Variants in ANKS1B observed in about 807,000 individuals in gnomAD.
The protein encoded by ANKS1B is ankyrin repeat and sterile alpha motif domain-containing protein 1B.
In ANKS1B, 36 loss-of-function variants were observed where a neutral mutation model predicts 148.3. The observed-to-expected ratio is 0.24, with a 90% CI of 0.19 to 0.32. The LOEUF is 0.32. Ranked by LOEUF, ANKS1B falls within the 10% of genes least tolerant of loss-of-function variation. The pLI, the probability that ANKS1B is intolerant of heterozygous loss-of-function variation, is 1.00. For missense variants in ANKS1B, 1,157 were observed against 1,542.6 expected (o/e 0.75, Z 4.19); for synonymous variants, 542 against 560.8 (o/e 0.97, Z 0.47).
At position 99,783,160 on chromosome 12, in the gene ANKS1B, C is replaced by T. The variant is rs373670020; in HGVS notation, c.670-1063G>A. Among the ~76,000 whole-genome samples the T allele has an allele frequency of 2.8e-3, 414 of 146,992 alleles. 1 individual carries two copies. The highest frequency in any genetic ancestry group is 9.7e-3 in the African/African-American group (384 of 39,572). On this transcript the variant is annotated intron_variant, in intron 4 of 26. Coordinates refer to ENST00000683438, the MANE Select transcript of ANKS1B (RefSeq NM_001352186.2). ...GAGCCGAGATCGCACCACTGCACTC[C>T]AGCCTGGGTGACAGAGTGAGAATCC...
chr12:99,215,485 C>T (rs193123423), intron 14 of ANKS1B, among the ~76,000 whole-genome samples: 13 of 152,336 alleles, frequency 8.5e-5, no homozygotes, highest in Non-Finnish European at 8.8e-5. Context: ...AGACATTCAA[C>T]ACCAGCCTGT....
At chr12:98,864,197 G>A (rs964735536) in intron 17 of ANKS1B, among the ~76,000 whole-genome samples, 2 of 151,392 alleles carry the variant, frequency 1.3e-5, no homozygotes, top group African/African-American at 4.9e-5. Flanking sequence ...CATACTTATG[G>A]TACGTGTGAT....
At chr12:99,535,559 T>C (rs2097057045) in intron 9 of ANKS1B, among the ~76,000 whole-genome samples, 1 of 152,218 alleles carries the variant, frequency 6.6e-6, no homozygotes, top group Non-Finnish European at 1.5e-5. Flanking sequence ...AGCATAGCGC[T>C]GTATATCCCA....
At chr12:98,950,198 A>G (rs994224213) in intron 17 of ANKS1B, among the ~76,000 whole-genome samples, 1 of 152,236 alleles carries the variant, frequency 6.6e-6, no homozygotes, top group African/African-American at 2.4e-5. Context: ...TATTACAATC[A>G]TAAGAAACAG....
chr12:98,773,244 C>T, intron 24 of ANKS1B, 65 bp from the exon 25 acceptor site: 1 of 1,516,844 alleles, frequency 6.6e-7, no homozygotes, highest in Non-Finnish European at 8.8e-7. Context: ...ACAACCAAGA[C>T]AAGTAACCCA....
intron 9 of ANKS1B, among the ~76,000 whole-genome samples, chr12:99,654,275 G>A (rs976042652): frequency 6.6e-6 from 1 of 152,172 alleles, no homozygotes; most frequent in African/African-American, 2.4e-5. Flanking sequence ...TGACAGAAGG[G>A]AAAATATCTT....
In ANKS1B at chr12:99,783,271, A is replaced by T. The variant is rs567919835; in HGVS notation, c.670-1174T>A. On this transcript the variant is annotated intron_variant, in intron 4 of 26. Transcript: ENST00000683438. Reference sequence around the variant, plus strand: ...CCTACCACCAAACATCATAGCCTAGACTAGCCTACTTTAAATATGCTCAGA... The same window carrying T: ...CCTACCACCAAACATCATAGCCTAGTCTAGCCTACTTTAAATATGCTCAGA... Among the ~76,000 whole-genome samples the T allele has an allele frequency of 2.0e-5, 3 of 152,274 alleles. No individual in the cohort carries two copies. The South Asian group carries it at 6.2e-4, about 32-fold the overall frequency.
chr12:98,838,157 T>C (rs1401265899), intron 17 of ANKS1B, among the ~76,000 whole-genome samples: 1 of 152,228 alleles, frequency 6.6e-6, no homozygotes, highest in African/African-American at 2.4e-5. Flanking sequence ...ATGTCATAAT[T>C]CACTAAACAT....
chr12:99,866,334 C>A (rs2090754325), intron 1 of ANKS1B, among the ~76,000 whole-genome samples: 1 of 152,142 alleles, frequency 6.6e-6, no homozygotes, highest in South Asian at 2.1e-4. Context: ...GGCTCTATTA[C>A]AGAAGTATCC....
intron 10 of ANKS1B, among the ~76,000 whole-genome samples, chr12:99,495,363 G>A (rs541943904): frequency 6.6e-6 from 1 of 152,016 alleles, no homozygotes; most frequent in South Asian, 2.1e-4. Context: ...GTGTGTGTGT[G>A]TGTGTGTGTG....
intron 9 of ANKS1B, among the ~76,000 whole-genome samples, chr12:99,618,085 T>C (rs1405166389): frequency 6.6e-6 from 1 of 152,176 alleles, no homozygotes; most frequent in Non-Finnish European, 1.5e-5. Context: ...TGGCTTCATT[T>C]GTGCTTCTTT....
intron 1 of ANKS1B, among the ~76,000 whole-genome samples, chr12:99,969,956 A>T (rs1347500774): frequency 6.6e-6 from 1 of 151,616 alleles, no homozygotes; most frequent in Non-Finnish European, 1.5e-5. Context: ...CAAGACTTGT[A>T]AAGATTGAAG....
intron 14 of ANKS1B, among the ~76,000 whole-genome samples, chr12:99,213,232 T>C (rs574023119): frequency 1.3e-5 from 2 of 152,302 alleles, no homozygotes; most frequent in African/African-American, 4.8e-5. Context: ...ACGGCCTGCT[T>C]CTCTCTACCC....
At chr12:99,793,473 A>T (rs979322971) in intron 4 of ANKS1B, among the ~76,000 whole-genome samples, 1 of 152,068 alleles carries the variant, frequency 6.6e-6, no homozygotes, top group African/African-American at 2.4e-5. Context: ...ATAAAATCAG[A>T]CACATAGACC....
intron 10 of ANKS1B, among the ~76,000 whole-genome samples, chr12:99,474,048 A>G (rs2096280047): frequency 6.6e-6 from 1 of 152,126 alleles, no homozygotes; most frequent in Admixed American, 6.6e-5. Flanking sequence ...AAATATCCTT[A>G]GAAGAGTGAG....
chr12:99,949,821 T>C (rs1041621657), intron 1 of ANKS1B, among the ~76,000 whole-genome samples: 2 of 152,142 alleles, frequency 1.3e-5, no homozygotes, highest in African/African-American at 4.8e-5. Flanking sequence ...CATTTACGGA[T>C]TGTTAATGGC....
chr12:99,717,527 T>A lies in ANKS1B; in HGVS notation c.1128+55395A>T, dbSNP rs1452531433. Among the ~76,000 whole-genome samples the A allele has an allele frequency of 2.0e-5, 3 of 152,098 alleles. No homozygotes were observed. In the East Asian group the frequency reaches 5.8e-4, roughly 29 times the overall value. On this transcript the variant is annotated intron_variant, in intron 8 of 26. Transcript: ENST00000683438. Reference sequence around the variant, plus strand: ...AGCCCGGGATTCCTCCTAAGCCGCGTCCCATCTGTGTGGGACCCCACTGAA... The same window carrying A: ...AGCCCGGGATTCCTCCTAAGCCGCGACCCATCTGTGTGGGACCCCACTGAA...
chr12:98,837,685 T>G (rs1185848241), intron 17 of ANKS1B, among the ~76,000 whole-genome samples: 2 of 152,172 alleles, frequency 1.3e-5, no homozygotes, highest in Admixed American at 6.5e-5. Flanking sequence ...TACCCTTACA[T>G]GGAATAGCTT....
chr12:98,760,095 G>A (rs77732302), intron 25 of ANKS1B, among the ~76,000 whole-genome samples: 9,744 of 152,262 alleles, frequency 0.064, 443 homozygotes, highest in Middle Eastern at 0.15. Context: ...TAGCAATATG[G>A]ATCAAATGTG....
Sources: allele counts gnomAD v4.1 joint callset (sites outside exome capture counted in the v4.1 genomes callset), GRCh38; gene constraint gnomAD v4.1.1; transcripts MANE v1.5; gene names NCBI Gene and HGNC (gene_info 2026-07-23, HGNC 2026-07-21).